Variants in NFYC observed in about 807,000 individuals in gnomAD.
NFYC encodes CAAT box DNA-binding protein subunit C.
In NFYC, 25 loss-of-function variants were observed where a neutral mutation model predicts 53.1. The observed-to-expected ratio is 0.47, with a 90% CI of 0.34 to 0.66. The LOEUF is 0.66. Among genes scored for constraint, NFYC ranks in the 30% least tolerant of loss-of-function variants. NFYC has a pLI of 0.01. For synonymous variants in NFYC, 145 were observed against 152.6 expected, an observed-to-expected ratio of 0.95 and a Z score of 0.37; for missense variants, 260 against 422.7, an observed-to-expected ratio of 0.62 and a Z score of 3.38.
chr1:40,754,462 A>C (rs779331738), intron 5 of NFYC: 21 of 532,868 alleles, frequency 3.9e-5, no homozygotes, highest in Non-Finnish European at 6.9e-5. Flanking sequence ...GTCCCCAGCT[A>C]CGCACCGGCT....
Position 40,691,736 on chromosome 1 carries a change from C to T in NFYC, c.-140C>T, listed in dbSNP as rs1359258105. Reference sequence around the variant, plus strand: ...GCGTGGCCGCCATCTTGCTTGTGCCCCCGCTTCGCGCGCGCTCCGTTCTCC... The same window carrying T: ...GCGTGGCCGCCATCTTGCTTGTGCCTCCGCTTCGCGCGCGCTCCGTTCTCC... On this transcript the variant is annotated 5_prime_UTR_variant, in exon 1 of 10. Coordinates refer to ENST00000447388, the MANE Select transcript of NFYC (RefSeq NM_014223.5). 2.4e-5 allele frequency: 11 copies of T among 455,556 alleles called. No individual in the cohort carries two copies. Among genetic ancestry groups the T allele is most frequent in the Non-Finnish European group, 4.4e-5 (10 of 226,444 alleles). The allele number at this position is 455,556 out of a possible 1,614,324, so 28.2% of individuals were successfully genotyped here.
rs1003613729 is a variant in NFYC at position 40,770,700 on chromosome 1, C to T, written c.889-9C>T. On this transcript the variant is annotated splice_polypyrimidine_tract_variant and intron_variant, in intron 9 of 9. Coordinates refer to ENST00000447388, the MANE Select transcript of NFYC (RefSeq NM_014223.5). This position sits in a 1 kb window ranked among gnomAD's most constrained non-coding sequence, Gnocchi z 5.3. ...GATGACCTCACTCTCTCCTCTCCAC[C>T]CCTCGCAGCAGCTCTACCAGATCCA... 3.1e-6 allele frequency: 5 copies of T among 1,614,182 alleles called. No homozygotes were observed. Among genetic ancestry groups the T allele is most frequent in the Non-Finnish European group, 3.4e-6 (4 of 1,180,048 alleles).
chr1:40,717,097 T>C (rs931018910), intron 1 of NFYC, among the ~76,000 whole-genome samples: 1 of 152,098 alleles, frequency 6.6e-6, no homozygotes, highest in Non-Finnish European at 1.5e-5. Context: ...AAATTGGTAA[T>C]GTATATTTGG....
intron 1 of NFYC, among the ~76,000 whole-genome samples, chr1:40,718,166 G>C (rs1257672155): frequency 6.6e-6 from 1 of 152,166 alleles, no homozygotes. Flanking sequence ...AGGTGGTTAA[G>C]CAATGTAATA....
chr1:40,735,149 A>T (rs1354611924), intron 1 of NFYC: 1 of 147,058 alleles, frequency 6.8e-6, no homozygotes, highest in East Asian at 2.0e-4. Context: ...CGAGCGTCTT[A>T]TGAAGGGGTG....
At chr1:40,717,586 C>CTT (rs1644183968) in intron 1 of NFYC, among the ~76,000 whole-genome samples, 1 of 152,186 alleles carries the variant, frequency 6.6e-6, no homozygotes, top group Non-Finnish European at 1.5e-5. Context: ...AATATTAACA[C>CTT]TTTCTGTGTG....
intron 1 of NFYC, among the ~76,000 whole-genome samples, chr1:40,702,544 A>G (rs969597032): frequency 2.6e-5 from 4 of 151,878 alleles, no homozygotes; most frequent in Non-Finnish European, 4.4e-5. Context: ...GGGTTTCACC[A>G]TGTTAGCCAG....
chr1:40,737,783 C>T (rs947248453), intron 1 of NFYC, among the ~76,000 whole-genome samples: 29 of 152,140 alleles, frequency 1.9e-4, no homozygotes, highest in African/African-American at 7.0e-4. Flanking sequence ...CAGTTAATGG[C>T]CTCATGTCCT....
At chr1:40,710,785 AATG>A (rs1409073951) in intron 1 of NFYC, among the ~76,000 whole-genome samples, 2 of 152,148 alleles carry the variant, frequency 1.3e-5, no homozygotes, top group African/African-American at 4.8e-5. Context: ...TTGGAGTTGT[AATG>A]ATATAGCAAG....
At chr1:40,707,259 C>T (rs1400101196) in intron 1 of NFYC, among the ~76,000 whole-genome samples, 6 of 149,364 alleles carry the variant, frequency 4.0e-5, no homozygotes, top group African/African-American at 9.9e-5. Context: ...TTCAGGAGGC[C>T]GAGGTAGGTG....
At chr1:40,733,617 G>A (rs920019371) in intron 1 of NFYC, among the ~76,000 whole-genome samples, 2 of 151,660 alleles carry the variant, frequency 1.3e-5, no homozygotes, top group African/African-American at 4.8e-5. Flanking sequence ...TGCCCAGGCT[G>A]GAGTGCAGTG....
At chr1:40,764,011 A>G (rs915261890) in intron 7 of NFYC, among the ~76,000 whole-genome samples, 2 of 152,220 alleles carry the variant, frequency 1.3e-5, no homozygotes, top group African/African-American at 2.4e-5. Context: ...TAACTTATCT[A>G]TTCCTTTACT....
intron 1 of NFYC, among the ~76,000 whole-genome samples, chr1:40,703,830 G>T (rs1191620854): frequency 6.6e-6 from 1 of 152,146 alleles, no homozygotes; most frequent in Non-Finnish European, 1.5e-5. Context: ...CAGATAATAT[G>T]TTGAGTGCTT....
chr1:40,744,176 C>T (rs1372628602), intron 2 of NFYC, among the ~76,000 whole-genome samples: 1 of 152,142 alleles, frequency 6.6e-6, no homozygotes, highest in African/African-American at 2.4e-5. Flanking sequence ...GGAATGTGAA[C>T]CCTATCATGA....
chr1:40,703,480 T>TAAAAAAAAAAAAAAAAAAAAA (rs57102599), intron 1 of NFYC, among the ~76,000 whole-genome samples: 1 of 97,744 alleles, frequency 1.0e-5, no homozygotes, highest in Non-Finnish European at 1.9e-5. Flanking sequence ...CAATTAGCCC[T>TAAAAAAAAAAAAAAAAAAAAA]AAAAAAAAAA....
At chr1:40,740,938 T>A (rs1198237027) in intron 2 of NFYC, among the ~76,000 whole-genome samples, 1 of 151,734 alleles carries the variant, frequency 6.6e-6, no homozygotes, top group Non-Finnish European at 1.5e-5. Context: ...TTTTTTTTTT[T>A]AGTTGTAGTA....
At chr1:40,707,169 CA>C (rs750712718) in intron 1 of NFYC, among the ~76,000 whole-genome samples, 96 of 125,424 alleles carry the variant, frequency 7.7e-4, no homozygotes, top group Non-Finnish European at 7.2e-4. Flanking sequence ...GACTCTGCCT[CA>C]AAAAAAAAAA....
intron 1 of NFYC, chr1:40,709,747 C>A (rs1643875406): frequency 6.6e-6 from 1 of 152,100 alleles, no homozygotes; most frequent in African/African-American, 2.4e-5. Context: ...CCTAGAATAC[C>A]TTGCTGTGTT....
intron 1 of NFYC, chr1:40,730,493 G>A (rs778987054): frequency 1.1e-6 from 1 of 924,832 alleles, no homozygotes; most frequent in Non-Finnish European, 1.3e-6. Flanking sequence ...AGCAGTATCT[G>A]TGAAGCACAA....
Sources: gnomAD v4.1 joint callset for allele counts (sites outside exome capture counted in the v4.1 genomes callset) on GRCh38, gnomAD v4.1.1 for gene constraint, Gnocchi (gnomAD v3.1) non-coding constraint, MANE v1.5 for transcripts, NCBI Gene and HGNC (gene_info 2026-07-23, HGNC 2026-07-21) for gene names.